The following SLC8A1 variants were observed in gnomAD, a reference collection of about 807,000 sequenced individuals.
SLC8A1 encodes the protein solute carrier family 8 member A1, also known as sodium/calcium exchanger 1.
A neutral mutation model predicts 68.3 loss-of-function variants in SLC8A1; 18 were observed. The observed-to-expected ratio is 0.26, with a 90% CI of 0.18 to 0.39. The LOEUF (loss-of-function observed/expected upper bound fraction) is 0.39. Ranked by LOEUF, SLC8A1 falls within the 10% of genes least tolerant of loss-of-function variation. The pLI is 1.00. For synonymous variants in SLC8A1, 475 were observed against 415.5 expected (o/e 1.14, Z -1.74); for missense variants, 985 against 1,156.7 (o/e 0.85, Z 2.15).
Position 40,107,645 on chromosome 2 carries a change from G to T in SLC8A1, c.*7608C>A, listed in dbSNP as rs537642227. ...TGAATTTGTATCTTTAGCTAAAAAG[G>T]GGGGAGGTCAGGAATATGCTTCCTT... On this transcript the variant is annotated 3_prime_UTR_variant, in exon 8 of 8. Coordinates refer to ENST00000406785, the Ensembl canonical transcript of SLC8A1. 6 of 152,220 alleles carry T rather than the reference G, an allele frequency of 3.9e-5. No individual in the cohort carries two copies. In the East Asian group the frequency reaches 9.6e-4, roughly 24 times the overall value. The allele number at this position is 152,220 out of a possible 1,614,324, so 9.4% of individuals were successfully genotyped here.
At chr2:40,403,083 C>T (rs186682541) in intron 2 of SLC8A1, among the ~76,000 whole-genome samples, 7 of 152,200 alleles carry the variant, frequency 4.6e-5, no homozygotes, top group Admixed American at 3.9e-4. Flanking sequence ...ATACACATAA[C>T]GAACACCACA....
At chr2:40,286,034 T>C (rs2068247732) in intron 2 of SLC8A1, among the ~76,000 whole-genome samples, 3 of 151,942 alleles carry the variant, frequency 2.0e-5, no homozygotes, top group African/African-American at 7.3e-5. Flanking sequence ...GGAGCCAGAG[T>C]TCAGAACTCT....
chr2:40,246,536 A>C (rs530905133), intron 2 of SLC8A1, among the ~76,000 whole-genome samples: 5 of 152,318 alleles, frequency 3.3e-5, no homozygotes, highest in African/African-American at 1.2e-4. Context: ...ACTGTGGGGT[A>C]ATCACTCTGC....
At chr2:40,352,033 A>T (rs567836318) in intron 2 of SLC8A1, among the ~76,000 whole-genome samples, 2 of 152,348 alleles carry the variant, frequency 1.3e-5, no homozygotes, top group East Asian at 3.9e-4. Context: ...TTTTAAAACC[A>T]ATGGACGTTG....
chr2:40,507,637 C>T (rs1379806120), intron 1 of SLC8A1, among the ~76,000 whole-genome samples: 1 of 151,980 alleles, frequency 6.6e-6, no homozygotes, highest in Non-Finnish European at 1.5e-5. Flanking sequence ...ATGCAGCCTT[C>T]AAATCCTACT....
chr2:40,258,515 G>C (rs1410801654), intron 2 of SLC8A1, among the ~76,000 whole-genome samples: 3 of 149,678 alleles, frequency 2.0e-5, no homozygotes, highest in Non-Finnish European at 3.0e-5. Flanking sequence ...CTTGGCTAAA[G>C]TGTAAGGGCT....
At chr2:40,338,816 A>G (rs1666820554) in intron 2 of SLC8A1, among the ~76,000 whole-genome samples, 2 of 152,224 alleles carry the variant, frequency 1.3e-5, no homozygotes, top group African/African-American at 4.8e-5. Context: ...AATTCAGTAA[A>G]ATGCTACGTT....
rs904464844 is a variant in SLC8A1 at position 40,215,453 on chromosome 2, A to G, written c.1809-37598T>C. Among the ~76,000 whole-genome samples, 99 of 151,770 alleles carry G rather than the reference A, an allele frequency of 6.5e-4. 1 individual carries two copies. The highest frequency in any genetic ancestry group is 3.4e-3 in the Middle Eastern group (1 of 294). On this transcript the variant is annotated intron_variant, in intron 2 of 7. Transcript: ENST00000406785. ...GAGATCGAGACCATCCTGGCTAACA[A>G]GGTGAAACCCCGTCTCTACTAAAAA...
At chr2:40,296,410 G>GA (rs2070389762) in intron 2 of SLC8A1, among the ~76,000 whole-genome samples, 1 of 152,040 alleles carries the variant, frequency 6.6e-6, no homozygotes, top group African/African-American at 2.4e-5. Context: ...AGGGCAAACA[G>GA]AAAAAAGTCA....
intron 7 of SLC8A1, among the ~76,000 whole-genome samples, chr2:40,137,996 A>G (rs2040846053): frequency 6.6e-6 from 1 of 152,182 alleles, no homozygotes; most frequent in Non-Finnish European, 1.5e-5. Flanking sequence ...TGTTCAGATC[A>G]TCCTAACTTA....
chr2:40,469,043 A>G (rs1371163563), intron 1 of SLC8A1, among the ~76,000 whole-genome samples: 10 of 152,198 alleles, frequency 6.6e-5, no homozygotes, highest in African/African-American at 2.2e-4. Flanking sequence ...AAATATTACC[A>G]CACTTGAAAA....
chr2:40,314,006 G>A (rs757437239), intron 2 of SLC8A1, among the ~76,000 whole-genome samples: 16 of 151,912 alleles, frequency 1.1e-4, no homozygotes, highest in Non-Finnish European at 2.1e-4. Flanking sequence ...ACATATTTCA[G>A]AGTAAAAGGT....
chr2:40,139,505 A>G (rs1296061880), exon 7 of SLC8A1: 1 of 1,614,100 alleles, frequency 6.2e-7, no homozygotes, highest in Non-Finnish European at 8.5e-7. Context: ...GAAAGCTGTC[A>G]GTAGGCCAAT....
rs557550798 is a variant in SLC8A1 at position 40,164,735 on chromosome 2, A to G, written c.2061+119T>C. 256 of 1,340,850 alleles carry G rather than the reference A, an allele frequency of 1.9e-4. No homozygotes were observed. In the African/African-American group the frequency reaches 3.3e-3, roughly 17 times the overall value. 83.1% of individuals were successfully genotyped at this position (1,340,850 alleles called of 1,614,324 possible). On this transcript the variant is annotated intron_variant, in intron 5 of 7. Coordinates refer to ENST00000406785, the Ensembl canonical transcript of SLC8A1. ...CCCAAAGGCTCTCAATTCACAAGCC[A>G]GTTCCTGAAATTACATCTACTACTC...
intron 7 of SLC8A1, among the ~76,000 whole-genome samples, chr2:40,133,981 C>G (rs1303193076): frequency 6.6e-6 from 1 of 152,092 alleles, no homozygotes; most frequent in African/African-American, 2.4e-5. Flanking sequence ...TTATTTTGAA[C>G]CTGTTTTTCC....
chr2:40,306,300 A>G (rs374988448), intron 2 of SLC8A1, among the ~76,000 whole-genome samples: 14 of 152,346 alleles, frequency 9.2e-5, no homozygotes, highest in African/African-American at 2.9e-4. Context: ...TTGGACTTAC[A>G]TAACAAGATG....
chr2:40,484,630 G>A (rs1211984458), intron 1 of SLC8A1, among the ~76,000 whole-genome samples: 1 of 152,202 alleles, frequency 6.6e-6, no homozygotes, highest in Non-Finnish European at 1.5e-5. Context: ...AACAGTGTTT[G>A]ACCTACCTTC....
chr2:40,400,687 G>A (rs1001469171), intron 2 of SLC8A1, among the ~76,000 whole-genome samples: 2 of 152,164 alleles, frequency 1.3e-5, no homozygotes, highest in Admixed American at 1.3e-4. Flanking sequence ...AATGAGGTGG[G>A]AGGGACAGAG....
rs572270961 is a variant in SLC8A1, at chr2:40,478,961, G to A, written c.-25+33388C>T. 1.6e-4 allele frequency among the ~76,000 whole-genome samples: 24 copies of A among 151,972 alleles called. No individual in the cohort carries two copies. The East Asian group carries it at 4.1e-3, about 26-fold the overall frequency. On this transcript the variant is annotated intron_variant, in intron 1 of 7. Transcript: ENST00000402441. ...TAATTTTTGTATTTTTAGTAGAGAC[G>A]GGGTTTCACCATGTTGGCCAGGATA...
Sources: gnomAD v4.1 joint callset for allele counts (sites outside exome capture counted in the v4.1 genomes callset) on GRCh38, gnomAD v4.1.1 for gene constraint, MANE v1.5 for transcripts, NCBI Gene and HGNC (gene_info 2026-07-23, HGNC 2026-07-21) for gene names.